UNC5B: variants seen among roughly 807,000 people sequenced by gnomAD.
UNC5B encodes the protein netrin receptor UNC5B.
Under a neutral mutation model 103.7 loss-of-function variants are expected in UNC5B, and 56 were observed. The observed-to-expected ratio is 0.54, with a 90% CI of 0.44 to 0.67. The LOEUF (loss-of-function observed/expected upper bound fraction) is 0.67, where lower values mean the gene tolerates loss of function less well. UNC5B is among the 30% of genes least tolerant of loss of function. The pLI is 0.00. For synonymous variants in UNC5B, 577 were observed against 542.0 expected, an observed-to-expected ratio of 1.06 and a Z score of -0.90; for missense variants, 1,194 against 1,284.5, an observed-to-expected ratio of 0.93 and a Z score of 1.08.
At chr10:71,298,150 G>A in intron 16 of UNC5B, 60 bp downstream of exon 16, 1 of 1,510,630 alleles carries the variant, frequency 6.6e-7, no homozygotes. Context: ...TCTCACAGGG[G>A]CAGGCAGGGC....
Position 71,291,690 on chromosome 10 carries a change from A to G in UNC5B, c.1553A>G (p.Asp518Gly). 1.2e-6 allele frequency: 2 copies of G among 1,613,350 alleles called. No homozygotes were observed. Among genetic ancestry groups the G allele is most frequent in the Non-Finnish European group, 1.7e-6 (2 of 1,180,018 alleles). Residue 518 changes from aspartate (D) to glycine (G), a missense_variant, in exon 10 of 17, where the codon GAC becomes GGC. By Grantham distance (94) the Asp-to-Gly change is moderately conservative. Coordinates refer to ENST00000335350, the MANE Select transcript of UNC5B (RefSeq NM_170744.5). The part of the protein sequence containing the change: ...PGTYPSDFAR[D>G]THFLHLRSAS... Reference sequence around the variant, plus strand: ...ACATACCCTAGCGATTTCGCCCGGGACACCCACTTCCTGCACCTGCGCAGC... The same window carrying G: ...ACATACCCTAGCGATTTCGCCCGGGGCACCCACTTCCTGCACCTGCGCAGC...
chr10:71,299,168 G>T lies in UNC5B; in HGVS notation c.2729G>T (p.Trp910Leu), dbSNP rs1291358829. 1 of 1,614,242 alleles carries T rather than the reference G, an allele frequency of 6.2e-7. No homozygotes were observed. The highest frequency in any genetic ancestry group is 8.5e-7 in the Non-Finnish European group (1 of 1,180,048). The change falls in exon 17 of 17, where the codon TGG becomes TTG. Residue 910 changes from tryptophan to leucine, a missense_variant. Coordinates refer to ENST00000335350, the MANE Select transcript of UNC5B (RefSeq NM_170744.5). Reference sequence around the variant, plus strand: ...CCCACGGGTGTGATCCTGGACCTCTGGGAAGCTCTGCAGCAGGACGATGGG... The same window carrying T: ...CCCACGGGTGTGATCCTGGACCTCTTGGAAGCTCTGCAGCAGGACGATGGG... ...ASPTGVILDL[W>L]EALQQDDGDL...
chr10:71,258,260 A>T (rs1384388330), intron 1 of UNC5B, among the ~76,000 whole-genome samples: 1 of 152,170 alleles, frequency 6.6e-6, no homozygotes, highest in Non-Finnish European at 1.5e-5. Flanking sequence ...GGGTGCCCTC[A>T]GTCTGGGCCA....
intron 1 of UNC5B, among the ~76,000 whole-genome samples, chr10:71,250,443 C>T (rs764238079): frequency 2.0e-4 from 31 of 152,318 alleles, no homozygotes; most frequent in Non-Finnish European, 2.9e-4. Flanking sequence ...CCTGACTTTC[C>T]GAGGAATCTT....
intron 1 of UNC5B, among the ~76,000 whole-genome samples, chr10:71,251,317 C>T (rs1205393894): frequency 6.6e-6 from 1 of 152,212 alleles, no homozygotes; most frequent in Non-Finnish European, 1.5e-5. Context: ...GTTCCTACAG[C>T]TGTAGTCTTT....
rs548539329 is a variant in UNC5B, at chr10:71,273,794, G to T, written c.80-6027G>T. The stretch of plus-strand genomic sequence containing the variant: ...CCCTCCAGGAGCAGCCACCAAAACT[G>T]CAAAGGAGGCTTTGAGCTGTCTGAC... On this transcript the variant is annotated intron_variant, in intron 1 of 16. Transcript: ENST00000335350. 7.0e-4 allele frequency among the ~76,000 whole-genome samples: 106 copies of T among 152,340 alleles called. 2 individuals carry two copies. The highest frequency in any genetic ancestry group is 1.5e-4 in the Non-Finnish European group (10 of 68,030).
At chr10:71,285,820 C>T (rs1229179494) in intron 4 of UNC5B, among the ~76,000 whole-genome samples, 1 of 152,106 alleles carries the variant, frequency 6.6e-6, no homozygotes, top group East Asian at 1.9e-4. Context: ...CTGATCACCC[C>T]TTCCTGAAAC....
At chr10:71,288,001 C>A (rs986224295) in intron 6 of UNC5B, among the ~76,000 whole-genome samples, 1 of 152,210 alleles carries the variant, frequency 6.6e-6, no homozygotes, top group Non-Finnish European at 1.5e-5. Flanking sequence ...TTCTCCCTGA[C>A]CCTCTAGCCT....
At chr10:71,291,301 T>G (rs1303099101) in intron 9 of UNC5B, 131 bp from the exon 10 acceptor site, 7 of 1,425,004 alleles carry the variant, frequency 4.9e-6, no homozygotes, top group Non-Finnish European at 6.6e-6. Flanking sequence ...GGCTGCGGGA[T>G]TCCCAAAGCT....
At chr10:71,262,886 G>A (rs969690224) in intron 1 of UNC5B, among the ~76,000 whole-genome samples, 11 of 152,334 alleles carry the variant, frequency 7.2e-5, no homozygotes, top group Admixed American at 3.3e-4. Context: ...CCACACAGTC[G>A]ATGGGGGCAC....
intron 1 of UNC5B, among the ~76,000 whole-genome samples, chr10:71,256,538 G>A (rs1446621901): frequency 6.6e-6 from 1 of 152,252 alleles, no homozygotes; most frequent in Non-Finnish European, 1.5e-5. Context: ...GAGGGGACTT[G>A]GGCAGAGGCC....
Position 71,299,425 on chromosome 10 carries a change from AC to A in UNC5B, c.*150del, listed in dbSNP as rs1347170515. On this transcript the variant is annotated 3_prime_UTR_variant, in exon 17 of 17. Transcript: ENST00000335350. Reference sequence around the variant, plus strand: ...CCTCCTCCTCTTCCCCAACCCCCAGACCATGACCAGCCTTAGAAAATCCATG... The same window carrying A: ...CCTCCTCCTCTTCCCCAACCCCCAGACATGACCAGCCTTAGAAAATCCATG... 3 of 934,710 alleles carry A rather than the reference AC, an allele frequency of 3.2e-6. No homozygotes were observed. Among genetic ancestry groups the A allele is most frequent in the Non-Finnish European group, 4.8e-6 (3 of 628,846 alleles). 57.9% of individuals were successfully genotyped at this position (934,710 alleles called of 1,614,324 possible).
chr10:71,280,082 C>T (rs778398467), intron 2 of UNC5B, 37 bp downstream of exon 2: 80 of 1,601,914 alleles, frequency 5.0e-5, no homozygotes, highest in Non-Finnish European at 6.5e-5. Context: ...CCCCAGGACA[C>T]CCCAGGCCCA....
chr10:71,271,140 C>T (rs1321749581), intron 1 of UNC5B, among the ~76,000 whole-genome samples: 9 of 152,084 alleles, frequency 5.9e-5, no homozygotes, highest in Admixed American at 5.2e-4. Flanking sequence ...GCTGAGACCC[C>T]GTCCCCTCCA....
intron 1 of UNC5B, among the ~76,000 whole-genome samples, chr10:71,245,652 C>T (rs574030007): frequency 2.6e-5 from 4 of 152,192 alleles, no homozygotes; most frequent in East Asian, 1.9e-4. Context: ...CCAGCCTCGC[C>T]GTGCCACATG....
chr10:71,293,647 T>C (rs928334796), intron 12 of UNC5B, 53 bp from the exon 13 acceptor site: 13 of 1,605,304 alleles, frequency 8.1e-6, no homozygotes, highest in Non-Finnish European at 1.0e-5. Context: ...CCTTTTCCTC[T>C]GGCCCAGCCT....
chr10:71,271,315 T>C (rs2132291078), intron 1 of UNC5B, among the ~76,000 whole-genome samples: 1 of 152,300 alleles, frequency 6.6e-6, no homozygotes, highest in East Asian at 1.9e-4. Flanking sequence ...CGCTGTCTCG[T>C]TGGAACACAC....
chr10:71,295,679 C>T, intron 13 of UNC5B, 132 bp from the exon 14 acceptor site: 2 of 1,037,832 alleles, frequency 1.9e-6, no homozygotes, highest in East Asian at 2.6e-5. Flanking sequence ...CACCATAAGC[C>T]CTCTGTGAGC....
rs552753139 is a variant in UNC5B at position 71,301,008 on chromosome 10, C to G, written c.*1731C>G. 6.6e-6 allele frequency: 1 copy of G among 152,472 alleles called. No homozygotes were observed. The highest frequency in any genetic ancestry group is 2.4e-5 in the African/African-American group (1 of 41,580). 9.4% of individuals were successfully genotyped at this position (152,472 alleles called of 1,614,324 possible). A position where few individuals can be genotyped will look rare whatever the true frequency, so the allele number is the denominator to read the frequency against. On this transcript the variant is annotated 3_prime_UTR_variant, in exon 17 of 17. Coordinates refer to ENST00000335350, the MANE Select transcript of UNC5B (RefSeq NM_170744.5). ...GATGAGTCCCTGCCCTGTGCAGCTGCCTGGCAGTGGCTGGGACAAGGATCT... is the reference window on the plus strand; with the variant it reads ...GATGAGTCCCTGCCCTGTGCAGCTGGCTGGCAGTGGCTGGGACAAGGATCT...
Sources: gnomAD v4.1 joint callset for allele counts (sites outside exome capture counted in the v4.1 genomes callset) on GRCh38, gnomAD v4.1.1 for gene constraint, MANE v1.5 for transcripts, NCBI Gene and HGNC (gene_info 2026-07-23, HGNC 2026-07-21) for gene names.